Variants in RAPGEF2 observed in about 807,000 individuals in gnomAD.
The protein encoded by RAPGEF2 is Rap guanine nucleotide exchange factor 2.
Under a neutral mutation model 186.7 loss-of-function variants are expected in RAPGEF2, and 54 were observed. The ratio of observed to expected loss-of-function variants is 0.29; its 90% CI spans 0.23 to 0.36. The LOEUF (loss-of-function observed/expected upper bound fraction) is 0.36. RAPGEF2 is among the 10% of genes least tolerant of loss of function. RAPGEF2 has a pLI of 1.00. For missense variants in RAPGEF2, 1,532 were observed against 2,045.0 expected (o/e 0.75, Z 4.84); for synonymous variants, 712 against 705.9 (o/e 1.01, Z -0.14).
chr4:159,282,324 A>G (rs180985565), intron 7 of RAPGEF2, among the ~76,000 whole-genome samples: 25 of 152,324 alleles, frequency 1.6e-4, no homozygotes, highest in African/African-American at 6.0e-4. Flanking sequence ...CTGGTTTGCA[A>G]AATAGCTCAT....
rs1034596874 is a variant in RAPGEF2 at position 159,170,615 on chromosome 4, A to G, written c.70-16027A>G. Among the ~76,000 whole-genome samples the G allele has an allele frequency of 2.6e-5, 4 of 152,340 alleles. No homozygotes were observed. In the South Asian group the frequency reaches 8.3e-4, roughly 32 times the overall value. The stretch of plus-strand genomic sequence containing the variant: ...GGGCGGGTTCTGGAAGCAACCCATC[A>G]TGGATACTAAGGGTCAGCTTTATTT... On this transcript the variant is annotated intron_variant, in intron 1 of 29. Transcript: ENST00000691494.
chr4:159,223,266 A>G (rs1265502169), intron 4 of RAPGEF2, among the ~76,000 whole-genome samples: 1 of 152,042 alleles, frequency 6.6e-6, no homozygotes, highest in Non-Finnish European at 1.5e-5. Context: ...AATTTCTGCT[A>G]TCTAGTGTTC....
At position 159,307,971 on chromosome 4, in the gene RAPGEF2, AAAAAAC is replaced by A. The variant is rs140279396; in HGVS notation, c.675+3504_675+3509del. ...ATGGGGCAGAGCAAGACTCCGTCTC[AAAAAAC>A]AAAAAAGTAACTTGTTTGTATAATC... On this transcript the variant is annotated intron_variant, in intron 8 of 29. Coordinates refer to ENST00000691494, the MANE Select transcript of RAPGEF2 (RefSeq NM_001394067.2). Among the ~76,000 whole-genome samples the A allele has an allele frequency of 7.0e-3, 1,061 of 152,336 alleles. 10 individuals carry two copies. The highest frequency in any genetic ancestry group is 0.024 in the African/African-American group (1,005 of 41,574).
chr4:159,281,785 T>C lies in RAPGEF2; in HGVS notation c.544-22557T>C, dbSNP rs116950356. Among the ~76,000 whole-genome samples the C allele has an allele frequency of 4.4e-4, 67 of 152,206 alleles. 1 individual carries two copies. In the East Asian group the frequency reaches 0.01, roughly 23 times the overall value. Reference sequence around the variant, plus strand: ...TGTTTGTGTGTGTGATTTTCTTTAGTCATCTTACAATATTAGGAGCAAAAT... The same window carrying C: ...TGTTTGTGTGTGTGATTTTCTTTAGCCATCTTACAATATTAGGAGCAAAAT... On this transcript the variant is annotated intron_variant, in intron 7 of 29. Coordinates refer to ENST00000691494, the MANE Select transcript of RAPGEF2 (RefSeq NM_001394067.2).
intron 1 of RAPGEF2, among the ~76,000 whole-genome samples, chr4:159,165,599 C>G (rs1745219810): frequency 6.6e-6 from 1 of 152,098 alleles, no homozygotes; most frequent in Admixed American, 6.5e-5. Context: ...TACTGGACAT[C>G]AGATTGTGTA....
intron 1 of RAPGEF2, among the ~76,000 whole-genome samples, chr4:159,108,774 T>TG (rs1738174622): frequency 1.3e-5 from 2 of 152,246 alleles, no homozygotes; most frequent in African/African-American, 4.8e-5. Context: ...AATAGGGTCT[T>TG]GCTTTGTTGC....
intron 2 of RAPGEF2, among the ~76,000 whole-genome samples, chr4:159,191,858 C>T (rs997433598): frequency 2.0e-5 from 3 of 152,038 alleles, no homozygotes; most frequent in Non-Finnish European, 2.9e-5. Context: ...AGAGGAGTTC[C>T]GCCCACACGA....
At position 159,181,480 on chromosome 4, in the gene RAPGEF2, G is replaced by A. The variant is rs182654642; in HGVS notation, c.70-5162G>A. On this transcript the variant is annotated intron_variant, in intron 1 of 29. Coordinates refer to ENST00000691494, the MANE Select transcript of RAPGEF2 (RefSeq NM_001394067.2). ...CAGTTTTAGGCCTTGGGCAGATTATGACAGGTTGACAGGTAATTTAGTGAA... is the reference window on the plus strand; with the variant it reads ...CAGTTTTAGGCCTTGGGCAGATTATAACAGGTTGACAGGTAATTTAGTGAA... Among the ~76,000 whole-genome samples, 386 of 151,648 alleles carry A rather than the reference G, an allele frequency of 2.5e-3. 2 individuals carry two copies. The highest frequency in any genetic ancestry group is 8.7e-3 in the African/African-American group (360 of 41,146).
chr4:159,128,874 T>C (rs1301775188), intron 1 of RAPGEF2: 8 of 145,298 alleles, frequency 5.5e-5, no homozygotes, highest in African/African-American at 2.0e-4. Context: ...GGAAAGACTT[T>C]GCCACTCTTG....
chr4:159,217,456 G>C (rs1339971939), intron 4 of RAPGEF2, among the ~76,000 whole-genome samples: 2 of 152,180 alleles, frequency 1.3e-5, no homozygotes, highest in Non-Finnish European at 2.9e-5. Context: ...GCGGCCTCCA[G>C]CTCCATCCAT....
At chr4:159,235,728 C>T (rs996690296) in intron 4 of RAPGEF2, among the ~76,000 whole-genome samples, 23 of 152,060 alleles carry the variant, frequency 1.5e-4, no homozygotes, top group East Asian at 3.8e-4. Flanking sequence ...TGTAGAACTT[C>T]GCCAAAGATT....
At chr4:159,261,555 T>C (rs1756882878) in intron 7 of RAPGEF2, among the ~76,000 whole-genome samples, 1 of 152,198 alleles carries the variant, frequency 6.6e-6, no homozygotes, top group Non-Finnish European at 1.5e-5. Context: ...TATAACTGTG[T>C]TTGAGATGTT....
At chr4:159,227,083 T>C (rs1752118778) in intron 4 of RAPGEF2, among the ~76,000 whole-genome samples, 1 of 152,226 alleles carries the variant, frequency 6.6e-6, no homozygotes, top group Non-Finnish European at 1.5e-5. Flanking sequence ...TCAACTTCTC[T>C]TGTGGTATGT....
chr4:159,297,827 T>C (rs1302382078), intron 7 of RAPGEF2, among the ~76,000 whole-genome samples: 1 of 152,162 alleles, frequency 6.6e-6, no homozygotes, highest in African/African-American at 2.4e-5. Flanking sequence ...ATATGTAAGG[T>C]AGATTATTTG....
At chr4:159,108,383 CTTTTTTTT>C (rs35882271) in intron 1 of RAPGEF2, among the ~76,000 whole-genome samples, 2 of 107,910 alleles carry the variant, frequency 1.9e-5, no homozygotes, top group East Asian at 3.2e-4. Flanking sequence ...ACAGAACTTT[CTTTTTTTT>C]TTTTTTTTTT....
chr4:159,328,995 A>G (rs1333833663), intron 11 of RAPGEF2: 2 of 152,154 alleles, frequency 1.3e-5, no homozygotes, highest in African/African-American at 4.8e-5. Flanking sequence ...CTTATTTACA[A>G]TATAATTTAA....
At chr4:159,109,773 A>T (rs546108621) in intron 1 of RAPGEF2, among the ~76,000 whole-genome samples, 1 of 152,324 alleles carries the variant, frequency 6.6e-6, no homozygotes, top group East Asian at 1.9e-4. Context: ...GTGGACCTGA[A>T]GTGGTATTCC....
intron 7 of RAPGEF2, among the ~76,000 whole-genome samples, chr4:159,253,270 T>G (rs977248515): frequency 4.6e-5 from 7 of 152,274 alleles, no homozygotes; most frequent in Non-Finnish European, 1.0e-4. Context: ...TTAGTGTAAC[T>G]TGCCTTACTC....
At chr4:159,199,057 C>CAAA (rs749062756) in intron 3 of RAPGEF2, among the ~76,000 whole-genome samples, 41 of 80,302 alleles carry the variant, frequency 5.1e-4, no homozygotes, top group Non-Finnish European at 6.3e-4. Flanking sequence ...GACCCTGTCT[C>CAAA]AAAAAAAAAA....
Sources: allele counts gnomAD v4.1 joint callset (sites outside exome capture counted in the v4.1 genomes callset), GRCh38; gene constraint gnomAD v4.1.1; transcripts MANE v1.5; gene names NCBI Gene and HGNC (gene_info 2026-07-23, HGNC 2026-07-21).